The following AKAP6 variants were observed in gnomAD, a reference collection of about 807,000 sequenced individuals.
AKAP6 encodes the protein A-kinase anchor protein 6.
Under a neutral mutation model 188.5 loss-of-function variants are expected in AKAP6, and 58 were observed. The ratio of observed to expected loss-of-function variants is 0.31; its 90% CI spans 0.25 to 0.38. The LOEUF (loss-of-function observed/expected upper bound fraction) is 0.38, where lower values mean the gene tolerates loss of function less well. Among genes scored for constraint, AKAP6 ranks in the 10% least tolerant of loss-of-function variants. The pLI is 1.00. For missense variants in AKAP6, 2,710 were observed against 2,740.0 expected, an observed-to-expected ratio of 0.99 and a Z score of 0.24; for synonymous variants, 989 against 998.6, an observed-to-expected ratio of 0.99 and a Z score of 0.18.
chr14:32,800,630 A>G (rs186541055), intron 12 of AKAP6, among the ~76,000 whole-genome samples: 2 of 152,278 alleles, frequency 1.3e-5, no homozygotes, highest in African/African-American at 4.8e-5. Flanking sequence ...TGAAATTAAT[A>G]TAAACACTCT....
In AKAP6 at chr14:32,670,326, C is replaced by A. The variant is rs1282421941; in HGVS notation, c.2731-7985C>A. Among the ~76,000 whole-genome samples the A allele has an allele frequency of 2.0e-5, 3 of 151,994 alleles. No homozygotes were observed. The East Asian group carries it at 5.8e-4, about 29-fold the overall frequency. On this transcript the variant is annotated intron_variant, in intron 7 of 13. Transcript: ENST00000280979. ...TGGGGACACAGCCAAACCATATCAC[C>A]AAGTGTAGATTCTAATCAACCCTGG...
chr14:32,649,089 G>A (rs1296926837), intron 7 of AKAP6, among the ~76,000 whole-genome samples: 3 of 151,988 alleles, frequency 2.0e-5, no homozygotes, highest in Non-Finnish European at 2.9e-5. Flanking sequence ...ACCAGTCTTC[G>A]GGTCTCATAG....
At chr14:32,467,573 A>C (rs767993935) in intron 2 of AKAP6, among the ~76,000 whole-genome samples, 1 of 152,108 alleles carries the variant, frequency 6.6e-6, no homozygotes, top group Non-Finnish European at 1.5e-5. Context: ...GCCCCAGGAC[A>C]TGGAACTAAA....
rs150282311 is a variant in AKAP6, at chr14:32,821,890, T to C, written c.4077T>C (p.Asn1359=). The C allele has an allele frequency of 6.2e-7, 1 of 1,613,790 alleles. No homozygotes were observed. The highest frequency in any genetic ancestry group is 1.3e-5 in the African/African-American group (1 of 74,894). ...CACHGGDMSQ[N]SGSESGIVSE... is the part of the protein sequence containing the mutation. Reference sequence around the variant, plus strand: ...GTCATGGAGGAGACATGAGCCAGAATTCAGGCAGTGAGAGTGGAATTGTCA... The same window carrying C: ...GTCATGGAGGAGACATGAGCCAGAACTCAGGCAGTGAGAGTGGAATTGTCA... Residue 1359 remains asparagine, a synonymous_variant, in exon 13 of 14, where the codon AAT becomes AAC. Coordinates refer to ENST00000280979, the MANE Select transcript of AKAP6 (RefSeq NM_004274.5).
At chr14:32,628,544 G>A (rs1887120240) in intron 7 of AKAP6, among the ~76,000 whole-genome samples, 1 of 151,720 alleles carries the variant, frequency 6.6e-6, no homozygotes, top group Non-Finnish European at 1.5e-5. Flanking sequence ...GAAAGGTTTA[G>A]GGAAAAAAAG....
intron 12 of AKAP6, among the ~76,000 whole-genome samples, chr14:32,805,504 T>G (rs2034066468): frequency 6.6e-6 from 1 of 152,194 alleles, no homozygotes; most frequent in Non-Finnish European, 1.5e-5. Context: ...CTTCCCAGTA[T>G]GCAAATCTAT....
chr14:32,511,857 C>G (rs1881281804), intron 2 of AKAP6, among the ~76,000 whole-genome samples: 1 of 152,044 alleles, frequency 6.6e-6, no homozygotes, highest in Non-Finnish European at 1.5e-5. Context: ...TAATAGTGTA[C>G]CTTACTATTT....
At chr14:32,461,843 A>G (rs573068775) in intron 2 of AKAP6, among the ~76,000 whole-genome samples, 3 of 152,170 alleles carry the variant, frequency 2.0e-5, no homozygotes, top group African/African-American at 7.2e-5. Flanking sequence ...AATAGAGGTT[A>G]TATAAACTGC....
intron 9 of AKAP6, among the ~76,000 whole-genome samples, chr14:32,716,428 A>G (rs1440548970): frequency 1.3e-5 from 2 of 151,244 alleles, no homozygotes; most frequent in East Asian, 1.9e-4. Context: ...GGATTTTGCC[A>G]TTGCTTTTAA....
chr14:32,558,784 T>C (rs1423574043), intron 4 of AKAP6, among the ~76,000 whole-genome samples: 1 of 152,174 alleles, frequency 6.6e-6, no homozygotes, highest in Non-Finnish European at 1.5e-5. Flanking sequence ...ACCAATACCA[T>C]GTCTGCATTC....
At position 32,568,408 on chromosome 14, in the gene AKAP6, A is replaced by G. The variant is rs573849336; in HGVS notation, c.2347-8712A>G. 6.6e-6 allele frequency among the ~76,000 whole-genome samples: 1 copy of G among 152,332 alleles called. No individual in the cohort carries two copies. The highest frequency in any genetic ancestry group is 1.5e-5 in the Non-Finnish European group (1 of 68,036). Reference sequence around the variant, plus strand: ...CTATTCAATAACTTCACAAGTTATTAGTAGGATAGATGGTAGATGTACCTA... The same window carrying G: ...CTATTCAATAACTTCACAAGTTATTGGTAGGATAGATGGTAGATGTACCTA... On this transcript the variant is annotated intron_variant, in intron 4 of 13. Transcript: ENST00000280979. The surrounding 1 kb of genome is among the most constrained non-coding windows in gnomAD (Gnocchi z 6.2).
At chr14:32,712,885 C>T (rs1456131448) in intron 9 of AKAP6, among the ~76,000 whole-genome samples, 1 of 152,066 alleles carries the variant, frequency 6.6e-6, no homozygotes, top group East Asian at 1.9e-4. Flanking sequence ...CTATGAATTT[C>T]AAATGTTGTT....
intron 11 of AKAP6, among the ~76,000 whole-genome samples, chr14:32,764,933 C>CTTTT (rs571680392): frequency 1.6e-5 from 2 of 124,682 alleles, no homozygotes; most frequent in Admixed American, 8.1e-5. Context: ...TCAAGTGAAT[C>CTTTT]TTTTTTTTTT....
In AKAP6 at chr14:32,475,990, C is replaced by A. The variant is rs192729576; in HGVS notation, c.324+42173C>A. 2.1e-3 allele frequency among the ~76,000 whole-genome samples: 317 copies of A among 152,018 alleles called. 3 individuals carry two copies. The highest frequency in any genetic ancestry group is 7.3e-3 in the African/African-American group (302 of 41,484). Reference sequence around the variant, plus strand: ...GAGCCACTGCGCCTGGCCTTCAGCTCTTTTAACTACTCATAAAAATGTTTT... The same window carrying A: ...GAGCCACTGCGCCTGGCCTTCAGCTATTTTAACTACTCATAAAAATGTTTT... On this transcript the variant is annotated intron_variant, in intron 2 of 13. Transcript: ENST00000280979.
intron 2 of AKAP6, among the ~76,000 whole-genome samples, chr14:32,521,989 A>G (rs1490986647): frequency 1.3e-5 from 2 of 152,246 alleles, no homozygotes; most frequent in Non-Finnish European, 2.9e-5. Flanking sequence ...ACCAAAACAG[A>G]GTTATAGACC....
At position 32,546,770 on chromosome 14, in the gene AKAP6, C is replaced by G; in HGVS notation, c.2117C>G (p.Ser706Cys). The G allele has an allele frequency of 5.6e-6, 9 of 1,614,136 alleles. No individual in the cohort carries two copies. The highest frequency in any genetic ancestry group is 7.6e-6 in the Non-Finnish European group (9 of 1,180,018). ...VSPSSSSDIASSLGESIESGP... is the reference protein window; with the variant it reads ...VSPSSSSDIACSLGESIESGP... The stretch of plus-strand genomic sequence containing the variant: ...CCAAGCTCATCTAGTGACATAGCCT[C>G]TTCACTAGGGGAGAGCATTGAATCT... The change falls in exon 4 of 14, where the codon TCT (serine) becomes TGT (cysteine). Residue 706 changes from serine to cysteine, a missense_variant. Transcript: ENST00000280979.
chr14:32,775,978 T>A (rs1481981783), intron 12 of AKAP6, among the ~76,000 whole-genome samples: 2 of 152,226 alleles, frequency 1.3e-5, no homozygotes, highest in Non-Finnish European at 2.9e-5. Context: ...CAACAAATAC[T>A]GTGAGCACCG....
intron 7 of AKAP6, among the ~76,000 whole-genome samples, chr14:32,612,549 T>A (rs1886392911): frequency 1.3e-5 from 2 of 151,932 alleles, no homozygotes; most frequent in Admixed American, 1.3e-4. Context: ...CCACTTGTTA[T>A]TTTTTTTGTA....
chr14:32,520,616 G>T (rs1383899393), intron 2 of AKAP6, among the ~76,000 whole-genome samples: 3 of 152,056 alleles, frequency 2.0e-5, no homozygotes, highest in Non-Finnish European at 4.4e-5. Flanking sequence ...ATAAATTCCT[G>T]GACACATACA....
Sources: gnomAD v4.1 joint callset for allele counts (sites outside exome capture counted in the v4.1 genomes callset) on GRCh38, gnomAD v4.1.1 for gene constraint, Gnocchi (gnomAD v3.1) non-coding constraint, MANE v1.5 for transcripts, NCBI Gene and HGNC (gene_info 2026-07-23, HGNC 2026-07-21) for gene names.